Variants in SEC23B observed in about 807,000 individuals in gnomAD.
SEC23B encodes the protein SEC23 homolog B, COPII component.
Under a neutral mutation model 104.3 loss-of-function variants are expected in SEC23B, and 77 were observed. The ratio of observed to expected loss-of-function variants is 0.74; its 90% confidence interval spans 0.61 to 0.89. SEC23B has a LOEUF of 0.89. SEC23B is among the 40% of genes least tolerant of loss of function. The probability of loss-of-function intolerance (pLI) is 0.00; values close to 1 mark genes in which losing one functional copy is unlikely to be tolerated. For synonymous variants in SEC23B, 338 were observed against 332.5 expected, an observed-to-expected ratio of 1.02 and a Z score of -0.18; for missense variants, 885 against 949.4, an observed-to-expected ratio of 0.93 and a Z score of 0.89.
At chr20:18,528,682 C>A (rs2060155613) in intron 9 of SEC23B, among the ~76,000 whole-genome samples, 1 of 152,170 alleles carries the variant, frequency 6.6e-6, no homozygotes, top group South Asian at 2.1e-4. Context: ...GAATTAGGGT[C>A]CCAAATGATA....
intron 3 of SEC23B, among the ~76,000 whole-genome samples, chr20:18,514,029 C>T (rs2148887366): frequency 6.6e-6 from 1 of 152,278 alleles, no homozygotes; most frequent in Admixed American, 6.5e-5. Context: ...GTATAAAGGA[C>T]TTAGAACAGT....
At chr20:18,508,181 C>G (rs2059948333) in intron 1 of SEC23B, 1 of 152,234 alleles carries the variant, frequency 6.6e-6, no homozygotes, top group Non-Finnish European at 1.5e-5. Flanking sequence ...CCAGTTTCCC[C>G]AGAATTGCGG....
chr20:18,559,318 A>G (rs2060471399), intron 19 of SEC23B, among the ~76,000 whole-genome samples: 2 of 152,200 alleles, frequency 1.3e-5, no homozygotes, highest in Non-Finnish European at 2.9e-5. Flanking sequence ...CCACCCCAGT[A>G]GGCAGGCGGA....
chr20:18,515,608 A>G (rs1187249559), intron 3 of SEC23B, 42 bp from the exon 4 acceptor site: 1 of 1,141,152 alleles, frequency 8.8e-7, no homozygotes, highest in Non-Finnish European at 1.3e-6. Context: ...AAAGTGTAAT[A>G]TAGTTATGCC....
intron 3 of SEC23B, among the ~76,000 whole-genome samples, chr20:18,515,069 T>G (rs1264318092): frequency 1.3e-5 from 2 of 152,096 alleles, no homozygotes; most frequent in Non-Finnish European, 2.9e-5. Context: ...TCCCAGCACT[T>G]TGGGAGACTG....
In SEC23B at chr20:18,560,652, A is replaced by C; in HGVS notation, c.2216A>C (p.Glu739Ala). The C allele has an allele frequency of 6.2e-7, 1 of 1,613,024 alleles. No homozygotes were observed. Among genetic ancestry groups the C allele is most frequent in the South Asian group, 1.1e-5 (1 of 91,060 alleles). Residue 739 changes from glutamate to alanine, a missense_variant and splice_region_variant, in exon 20 of 20, where the codon GAA (glutamate) becomes GCA (alanine). By Grantham distance (107) the Glu-to-Ala change is moderately radical (BLOSUM62 -1). Coordinates refer to ENST00000650089, the MANE Select transcript of SEC23B (RefSeq NM_006363.6). ...CTAATCTTTATCATTACATTTCAGG[A>C]AACTGGAGCACCCATCCTAACTGAT... The part of the protein sequence containing the change: ...THNNLYAWGQ[E>A]TGAPILTDDV...
chr20:18,545,442 T>C (rs1197952010), intron 14 of SEC23B, among the ~76,000 whole-genome samples: 1 of 152,204 alleles, frequency 6.6e-6, no homozygotes, highest in African/African-American at 2.4e-5. Context: ...GGGAAGAAAG[T>C]AATTGTTAGA....
chr20:18,549,957 GA>G (rs1327113937), intron 16 of SEC23B, among the ~76,000 whole-genome samples: 1 of 146,110 alleles, frequency 6.8e-6, no homozygotes, highest in African/African-American at 2.5e-5. Flanking sequence ...CTGGGCAACA[GA>G]GCAAGACTCC....
intron 19 of SEC23B, among the ~76,000 whole-genome samples, chr20:18,559,504 C>T (rs2060473320): frequency 6.6e-6 from 1 of 152,118 alleles, no homozygotes; most frequent in Non-Finnish European, 1.5e-5. Flanking sequence ...TTGTTACTGC[C>T]TTGTGAGGGT....
chr20:18,514,605 A>G (rs924431673), intron 3 of SEC23B, among the ~76,000 whole-genome samples: 1 of 152,212 alleles, frequency 6.6e-6, no homozygotes, highest in Non-Finnish European at 1.5e-5. Flanking sequence ...ATGTAAAGCT[A>G]AAGACTATTT....
At chr20:18,530,277 A>G (rs1420747732) in intron 9 of SEC23B, among the ~76,000 whole-genome samples, 1 of 151,826 alleles carries the variant, frequency 6.6e-6, no homozygotes, top group East Asian at 1.9e-4. Flanking sequence ...TTTGAGAAAC[A>G]GTCTTGCTCT....
intron 17 of SEC23B, among the ~76,000 whole-genome samples, chr20:18,552,880 T>C (rs1018825257): frequency 3.3e-5 from 5 of 152,192 alleles, no homozygotes; most frequent in African/African-American, 1.2e-4. Flanking sequence ...TTAGATATTA[T>C]AAGTAATCTA....
rs751664640 is a variant in SEC23B at position 18,526,529 on chromosome 20, A to C, written c.991A>C (p.Lys331Gln). 1.2e-6 allele frequency: 2 copies of C among 1,613,998 alleles called. No homozygotes were observed. Among genetic ancestry groups the C allele is most frequent in the Non-Finnish European group, 1.7e-6 (2 of 1,179,990 alleles). Residue 331 changes from lysine (K) to glutamine (Q), a missense_variant and splice_region_variant, in exon 8 of 20, where the codon AAG (lysine) becomes CAG (glutamine). Coordinates refer to ENST00000650089, the MANE Select transcript of SEC23B (RefSeq NM_006363.6). ...TGCACGATTCATGAAAAAGGCAACCAAGGTAGGTGCTCTTGGGTATGGGCT... is the reference window on the plus strand; with the variant it reads ...TGCACGATTCATGAAAAAGGCAACCCAGGTAGGTGCTCTTGGGTATGGGCT... ...DNARFMKKAT[K>Q]HYEMLANRTA... is the part of the protein sequence containing the mutation.
chr20:18,548,487 G>A, intron 15 of SEC23B, 122 bp from the exon 16 acceptor site: 1 of 930,148 alleles, frequency 1.1e-6, no homozygotes. Context: ...TTTCTGTTCT[G>A]TGAAACCAGA....
chr20:18,543,285 C>T, intron 14 of SEC23B, 113 bp downstream of exon 14: 2 of 1,332,168 alleles, frequency 1.5e-6, no homozygotes, highest in Non-Finnish European at 2.1e-6. Context: ...TTATCAGTTG[C>T]CTACCTTATG....
chr20:18,542,043 C>T (rs996307073), intron 12 of SEC23B, among the ~76,000 whole-genome samples: 8 of 152,192 alleles, frequency 5.3e-5, no homozygotes, highest in Admixed American at 1.3e-4. Context: ...CCTCAGTCAT[C>T]CATGTATTTC....
At chr20:18,541,320 T>G (rs2060286048) in intron 12 of SEC23B, among the ~76,000 whole-genome samples, 1 of 152,278 alleles carries the variant, frequency 6.6e-6, no homozygotes, top group African/African-American at 2.4e-5. Context: ...CTGTTTCACT[T>G]TCTTATCATT....
chr20:18,551,236 C>T (rs893375244), intron 17 of SEC23B, 61 bp downstream of exon 17: 2 of 901,892 alleles, frequency 2.2e-6, no homozygotes, highest in Non-Finnish European at 3.5e-6. Flanking sequence ...AAAAGGCATA[C>T]ACATTTAATG....
rs542587458 is a variant in SEC23B, at chr20:18,545,747, T to A, written c.1666-209T>A. On this transcript the variant is annotated intron_variant, in intron 14 of 19. Coordinates refer to ENST00000650089, the MANE Select transcript of SEC23B (RefSeq NM_006363.6). ...TGATTAGAGATGCAGAATCTTCAGC[T>A]CCTCCCTAGAGTCTGCATTTTAACA... 9.2e-5 allele frequency among the ~76,000 whole-genome samples: 14 copies of A among 152,270 alleles called. No individual in the cohort carries two copies. In the South Asian group the frequency reaches 2.5e-3, roughly 27 times the overall value.
Sources: gnomAD v4.1 joint callset for allele counts (sites outside exome capture counted in the v4.1 genomes callset) on GRCh38, gnomAD v4.1.1 for gene constraint, MANE v1.5 for transcripts, NCBI Gene and HGNC (gene_info 2026-07-23, HGNC 2026-07-21) for gene names.